Variants in AUTS2 observed in about 807,000 individuals in gnomAD.
The protein encoded by AUTS2 is autism susceptibility gene 2 protein.
In AUTS2, 17 loss-of-function variants were observed where a neutral mutation model predicts 112.4. That is an observed-to-expected ratio of 0.15 (90% CI 0.10 to 0.23). The LOEUF (loss-of-function observed/expected upper bound fraction) is 0.23. Ranked by LOEUF, AUTS2 falls within the 10% of genes least tolerant of loss-of-function variation. The pLI is 1.00. For synonymous variants in AUTS2, 751 were observed against 702.7 expected (o/e 1.07, Z -1.09); for missense variants, 1,510 against 1,701.6 (o/e 0.89, Z 1.98).
chr7:70,256,360 G>C (rs527626900), intron 4 of AUTS2, among the ~76,000 whole-genome samples: 2 of 152,194 alleles, frequency 1.3e-5, no homozygotes, highest in African/African-American at 4.8e-5. Flanking sequence ...AGTGGGCCAA[G>C]AGAACAGAGG....
intron 5 of AUTS2, among the ~76,000 whole-genome samples, chr7:70,649,544 T>A (rs376545739): frequency 1.4e-5 from 1 of 73,038 alleles, no homozygotes; most frequent in Non-Finnish European, 3.0e-5. Flanking sequence ...TTATTTATTT[T>A]TTGAGACGGA....
At chr7:70,757,337 C>A (rs535694408) in intron 6 of AUTS2, among the ~76,000 whole-genome samples, 38 of 152,224 alleles carry the variant, frequency 2.5e-4, no homozygotes, top group African/African-American at 8.7e-4. Context: ...TCTCATTGCA[C>A]TCTCTTATTA....
intron 5 of AUTS2, among the ~76,000 whole-genome samples, chr7:70,576,092 C>T (rs758402675): frequency 2.0e-5 from 3 of 152,016 alleles, no homozygotes; most frequent in Non-Finnish European, 2.9e-5. Flanking sequence ...CTAATTGACC[C>T]CCTAGGTTTC....
chr7:70,078,355 G>A (rs902836541), intron 2 of AUTS2, among the ~76,000 whole-genome samples: 1 of 152,074 alleles, frequency 6.6e-6, no homozygotes, highest in Non-Finnish European at 1.5e-5. Context: ...ATTTCATCTT[G>A]CAACTCAAAA....
At chr7:69,971,415 A>C (rs563508091) in intron 2 of AUTS2, among the ~76,000 whole-genome samples, 1 of 152,346 alleles carries the variant, frequency 6.6e-6, no homozygotes, top group South Asian at 2.1e-4. Context: ...TAATAATAGT[A>C]CAATATGCAG....
In AUTS2 at chr7:70,791,781, G is replaced by A. The variant is rs887284434; in HGVS notation, c.*785G>A. Reference sequence around the variant, plus strand: ...ATCCTGTTTTGCAAATTGGACCCCAGGCTGGAACTTAGCATCTGAAGTTGC... The same window carrying A: ...ATCCTGTTTTGCAAATTGGACCCCAAGCTGGAACTTAGCATCTGAAGTTGC... On this transcript the variant is annotated 3_prime_UTR_variant, in exon 19 of 19. Coordinates refer to ENST00000342771, the MANE Select transcript of AUTS2 (RefSeq NM_015570.4). The A allele has an allele frequency of 6.6e-6, 1 of 152,144 alleles. No individual in the cohort carries two copies. Among genetic ancestry groups the A allele is most frequent in the South Asian group, 2.1e-4 (1 of 4,822 alleles). The allele number at this position is 152,144 out of a possible 1,614,324, so 9.4% of individuals were successfully genotyped here. A position where few individuals can be genotyped will look rare whatever the true frequency, so the allele number is the denominator to read the frequency against.
chr7:70,595,496 C>T (rs1447369515), intron 5 of AUTS2, among the ~76,000 whole-genome samples: 1 of 151,990 alleles, frequency 6.6e-6, no homozygotes, highest in Non-Finnish European at 1.5e-5. Flanking sequence ...TCAGAGTTCT[C>T]GGTGCACTGC....
rs1805513793 is a variant in AUTS2, at chr7:70,635,935, G to T, written c.691-62634G>T. Among the ~76,000 whole-genome samples the T allele has an allele frequency of 2.0e-5, 3 of 152,196 alleles. No homozygotes were observed. In the South Asian group the frequency reaches 6.2e-4, roughly 31 times the overall value. On this transcript the variant is annotated intron_variant, in intron 5 of 18. Transcript: ENST00000342771. ...GGAAATGACATCCAAGAGGCAGAGA[G>T]GTACTGGCTGTGCTGCCTCCATTCG...
At chr7:69,873,987 G>A (rs1211898232) in intron 1 of AUTS2, among the ~76,000 whole-genome samples, 1 of 152,204 alleles carries the variant, frequency 6.6e-6, no homozygotes, top group Non-Finnish European at 1.5e-5. Flanking sequence ...AAGAACAAGT[G>A]TTTTGTTAAG....
chr7:70,096,174 A>T (rs1487891770), intron 2 of AUTS2, among the ~76,000 whole-genome samples: 1 of 152,198 alleles, frequency 6.6e-6, no homozygotes, highest in Non-Finnish European at 1.5e-5. Context: ...GGAATTGTGT[A>T]TTTGAAAACA....
chr7:70,262,886 T>C (rs1173531804), intron 4 of AUTS2, among the ~76,000 whole-genome samples: 2 of 152,182 alleles, frequency 1.3e-5, no homozygotes, highest in Non-Finnish European at 2.9e-5. Context: ...TATGGGACCC[T>C]TGGGGCCCAC....
intron 2 of AUTS2, among the ~76,000 whole-genome samples, chr7:70,077,356 A>T (rs578168438): frequency 1.3e-5 from 2 of 152,294 alleles, no homozygotes; most frequent in African/African-American, 4.8e-5. Context: ...GCAAAGTCCA[A>T]ACCCAGATGT....
In AUTS2 at chr7:70,461,361, C is replaced by T. The variant is rs181349780; in HGVS notation, c.690+25580C>T. 2.8e-3 allele frequency among the ~76,000 whole-genome samples: 428 copies of T among 152,186 alleles called. 1 individual carries two copies. The highest frequency in any genetic ancestry group is 6.8e-3 in the Middle Eastern group (2 of 294). ...TTACCCTCCCATTTAATCTTTAAAC[C>T]ATCCCTTCAAGAGAGGGAGGACACA... On this transcript the variant is annotated intron_variant, in intron 5 of 18. Coordinates refer to ENST00000342771, the MANE Select transcript of AUTS2 (RefSeq NM_015570.4).
At chr7:70,434,803 A>C (rs1349389670) in intron 4 of AUTS2, among the ~76,000 whole-genome samples, 1 of 152,204 alleles carries the variant, frequency 6.6e-6, no homozygotes, top group East Asian at 1.9e-4. Context: ...GGTGAATTTC[A>C]GTCTAGTTTA....
chr7:69,957,247 C>A (rs977742701), intron 2 of AUTS2, among the ~76,000 whole-genome samples: 7 of 151,518 alleles, frequency 4.6e-5, no homozygotes, highest in Admixed American at 4.0e-4. Context: ...AGGGCAACAG[C>A]AGGAAAATGA....
At chr7:70,630,105 G>A (rs950652451) in intron 5 of AUTS2, among the ~76,000 whole-genome samples, 5 of 152,180 alleles carry the variant, frequency 3.3e-5, no homozygotes, top group African/African-American at 1.2e-4. Flanking sequence ...GGGGTTTGCA[G>A]AGGAAAGGGG....
intron 4 of AUTS2, among the ~76,000 whole-genome samples, chr7:70,207,136 T>G (rs1810614589): frequency 6.6e-6 from 1 of 152,194 alleles, no homozygotes; most frequent in Non-Finnish European, 1.5e-5. Context: ...TCACTAATAT[T>G]TTACCAGGAG....
chr7:69,847,013 GC>G (rs1792233186), intron 1 of AUTS2, among the ~76,000 whole-genome samples: 1 of 152,272 alleles, frequency 6.6e-6, no homozygotes, highest in African/African-American at 2.4e-5. Flanking sequence ...CAATCTAGTA[GC>G]ACAGCCCAGG....
At chr7:69,906,992 A>C (rs1795173569) in intron 2 of AUTS2, among the ~76,000 whole-genome samples, 1 of 152,088 alleles carries the variant, frequency 6.6e-6, no homozygotes. Context: ...CTGTTGTCCC[A>C]GTTTCTTGGG....
Sources: allele counts gnomAD v4.1 joint callset (sites outside exome capture counted in the v4.1 genomes callset), GRCh38; gene constraint gnomAD v4.1.1; transcripts MANE v1.5; gene names NCBI Gene and HGNC (gene_info 2026-07-23, HGNC 2026-07-21).